Variants in SPAG17 observed in about 807,000 individuals in gnomAD.
The protein encoded by SPAG17 is sperm associated antigen 17.
In SPAG17, 169 loss-of-function variants were observed where a neutral mutation model predicts 273.6. The observed-to-expected ratio is 0.62, with a 90% CI of 0.55 to 0.70. The LOEUF (loss-of-function observed/expected upper bound fraction) is 0.70. Among genes scored for constraint, SPAG17 ranks in the 30% least tolerant of loss-of-function variants. The probability of loss-of-function intolerance (pLI) is 0.00; values close to 1 mark genes in which losing one functional copy is unlikely to be tolerated. For synonymous variants in SPAG17, 825 were observed against 873.2 expected (o/e 0.94, Z 0.97); for missense variants, 2,557 against 2,627.8 (o/e 0.97, Z 0.59).
intron 3 of SPAG17, among the ~76,000 whole-genome samples, chr1:118,146,767 C>G (rs532257823): frequency 8.5e-5 from 13 of 152,260 alleles, no homozygotes; most frequent in Admixed American, 7.2e-4. Flanking sequence ...AATCCAAATT[C>G]TTCATTTTGC....
chr1:117,962,177 T>C (rs553705230), intron 48 of SPAG17: 5 of 152,180 alleles, frequency 3.3e-5, no homozygotes, highest in African/African-American at 4.8e-5. Flanking sequence ...CTAAGTGTTA[T>C]ACTAATCGAA....
chr1:118,139,734 G>A (rs541638875), intron 3 of SPAG17, among the ~76,000 whole-genome samples: 67 of 151,138 alleles, frequency 4.4e-4, no homozygotes, highest in African/African-American at 1.6e-3. Flanking sequence ...CTCACATGGG[G>A]AATCTAAAAA....
intron 1 of SPAG17, among the ~76,000 whole-genome samples, chr1:118,154,680 C>G (rs1271278503): frequency 6.6e-6 from 1 of 151,940 alleles, no homozygotes; most frequent in South Asian, 2.1e-4. Flanking sequence ...CCACCCATAT[C>G]CTATCCCAAC....
intron 48 of SPAG17, chr1:117,960,697 TCAGTAACATACTGTGTATTA>T (rs967342942): frequency 4.6e-5 from 7 of 152,246 alleles, no homozygotes; most frequent in African/African-American, 1.7e-4. Context: ...TGAAATTATT[TCAGTAACATACTGTGTATTA>T]CAGTTCATTT....
intron 5 of SPAG17, among the ~76,000 whole-genome samples, chr1:118,100,696 G>A (rs150929271): frequency 2.0e-5 from 3 of 152,292 alleles, no homozygotes; most frequent in African/African-American, 7.2e-5. Flanking sequence ...GAGTCAACTG[G>A]TAAAGGATGG....
intron 24 of SPAG17, among the ~76,000 whole-genome samples, chr1:118,033,990 T>C (rs747759385): frequency 1.1e-4 from 17 of 152,218 alleles, no homozygotes; most frequent in Non-Finnish European, 2.4e-4. Flanking sequence ...GTTCTTTGTG[T>C]AGATGTACCA....
intron 48 of SPAG17, chr1:117,960,934 C>T (rs187283742): frequency 2.6e-5 from 4 of 152,118 alleles, no homozygotes; most frequent in African/African-American, 9.6e-5. Context: ...TAATTTTTTT[C>T]ATCTGAAACT....
chr1:117,958,449 C>T (rs1315260402), intron 48 of SPAG17, among the ~76,000 whole-genome samples: 1 of 152,196 alleles, frequency 6.6e-6, no homozygotes, highest in South Asian at 2.1e-4. Context: ...TGGATGGGTA[C>T]TACCTGACAG....
At chr1:118,103,291 T>C (rs1193916124) in intron 4 of SPAG17, among the ~76,000 whole-genome samples, 1 of 152,174 alleles carries the variant, frequency 6.6e-6, no homozygotes, top group African/African-American at 2.4e-5. Context: ...ACATCTCCCT[T>C]AGTCGATCCC....
At chr1:118,166,274 C>T (rs79269101) in intron 1 of SPAG17, among the ~76,000 whole-genome samples, 1 of 152,248 alleles carries the variant, frequency 6.6e-6, no homozygotes, top group East Asian at 1.9e-4. Flanking sequence ...AAGGGAAAGC[C>T]AGGAAACAGA....
chr1:118,051,708 T>A (rs1161417705), intron 20 of SPAG17, among the ~76,000 whole-genome samples: 2 of 128,450 alleles, frequency 1.6e-5, no homozygotes, highest in Admixed American at 1.5e-4. Flanking sequence ...ATAGTTATAA[T>A]ATATAGTATA....
chr1:117,969,991 G>A, intron 46 of SPAG17, 65 bp downstream of exon 46: 2 of 1,468,178 alleles, frequency 1.4e-6, no homozygotes, highest in South Asian at 2.4e-5. Context: ...CCACTTCACT[G>A]GAAACCTATA....
At chr1:118,049,003 C>G (rs1650690923) in intron 20 of SPAG17, among the ~76,000 whole-genome samples, 1 of 152,096 alleles carries the variant, frequency 6.6e-6, no homozygotes, top group African/African-American at 2.4e-5. Context: ...TTCCTAGAAG[C>G]ATACAACTTA....
At chr1:118,099,948 G>A in intron 5 of SPAG17, 148 bp from the exon 6 acceptor site, 3 of 636,846 alleles carry the variant, frequency 4.7e-6, no homozygotes, top group Non-Finnish European at 8.0e-6. Flanking sequence ...ATGCAGTCAT[G>A]TTGACTGTTT....
chr1:118,105,944 C>G (rs571700101), intron 4 of SPAG17, among the ~76,000 whole-genome samples: 2 of 152,208 alleles, frequency 1.3e-5, no homozygotes, highest in South Asian at 2.1e-4. Flanking sequence ...TCCTGATAGA[C>G]AGATAGGAGG....
intron 32 of SPAG17, among the ~76,000 whole-genome samples, chr1:118,004,457 T>C (rs2802660): frequency 0.95 from 145,298 of 152,352 alleles, 69,352 homozygotes; most frequent in East Asian, 1. Flanking sequence ...TGCTGAGCTG[T>C]GGTGGGCTTT....
intron 17 of SPAG17, among the ~76,000 whole-genome samples, chr1:118,069,114 G>A (rs1016393524): frequency 2.0e-5 from 3 of 152,034 alleles, no homozygotes; most frequent in Non-Finnish European, 4.4e-5. Flanking sequence ...GAGAGTCCAA[G>A]GTGGGTGGAT....
intron 20 of SPAG17, among the ~76,000 whole-genome samples, chr1:118,053,085 T>C (rs577081314): frequency 1.3e-4 from 20 of 151,994 alleles, no homozygotes; most frequent in African/African-American, 2.2e-4. Context: ...GAGTTTTTTA[T>C]AGAAATGCAA....
intron 43 of SPAG17, among the ~76,000 whole-genome samples, chr1:117,976,403 T>A (rs1655139326): frequency 6.6e-6 from 1 of 152,218 alleles, no homozygotes; most frequent in South Asian, 2.1e-4. Flanking sequence ...TTCTTCACAA[T>A]TATTTATTTC....
Sources: gnomAD v4.1 joint callset for allele counts (sites outside exome capture counted in the v4.1 genomes callset) on GRCh38, gnomAD v4.1.1 for gene constraint, MANE v1.5 for transcripts, NCBI Gene and HGNC (gene_info 2026-07-23, HGNC 2026-07-21) for gene names.